Variants in CELF2 observed in about 807,000 individuals in gnomAD.
CELF2 encodes CUG triplet repeat RNA-binding protein 2.
A neutral mutation model predicts 62.6 loss-of-function variants in CELF2; 8 were observed. The ratio of observed to expected loss-of-function variants is 0.13; its 90% CI spans 0.07 to 0.23. CELF2 has a LOEUF of 0.23. Ranked by LOEUF, CELF2 falls within the 10% of genes least tolerant of loss-of-function variation. The pLI is 1.00. For synonymous variants in CELF2, 258 were observed against 250.0 expected (o/e 1.03, Z -0.30); for missense variants, 333 against 671.0 (o/e 0.50, Z 5.56).
chr10:10,500,080 C>G, the CELF2 span, among the ~76,000 whole-genome samples: 1 of 152,002 alleles, frequency 6.6e-6, no homozygotes, highest in Admixed American at 6.5e-5. Context: ...GTAACTACAC[C>G]CTGTATATCG....
the CELF2 span, among the ~76,000 whole-genome samples, chr10:10,566,412 T>TA: frequency 5.6e-5 from 7 of 124,368 alleles, no homozygotes; most frequent in African/African-American, 2.4e-4. Flanking sequence ...ATTTTTTTTT[T>TA]TTTTTAATTT....
chr10:10,941,839 C>T (rs2047082294), intron 2 of CELF2, among the ~76,000 whole-genome samples: 2 of 151,800 alleles, frequency 1.3e-5, no homozygotes, highest in South Asian at 4.2e-4. Flanking sequence ...ATTAAAAATA[C>T]AAAAATTAGC....
chr10:11,099,559 C>G (rs76081832), intron 1 of CELF2, among the ~76,000 whole-genome samples: 81 of 152,028 alleles, frequency 5.3e-4, no homozygotes, highest in African/African-American at 1.9e-3. Context: ...GCATAGAATT[C>G]CCGATTTCCT....
At chr10:11,275,706 T>G (rs181094704) in intron 8 of CELF2, among the ~76,000 whole-genome samples, 2 of 152,290 alleles carry the variant, frequency 1.3e-5, no homozygotes, top group African/African-American at 4.8e-5. Flanking sequence ...AAAATCAAAG[T>G]GTGACTGTAT....
chr10:10,572,578 G>A, the CELF2 span, among the ~76,000 whole-genome samples: 2 of 150,836 alleles, frequency 1.3e-5, no homozygotes, highest in Admixed American at 1.3e-4. Flanking sequence ...TCATTGTTCA[G>A]CTCCCACTTA....
chr10:10,728,452 C>CA, the CELF2 span, among the ~76,000 whole-genome samples: 2,083 of 81,144 alleles, frequency 0.026, 47 homozygotes, highest in African/African-American at 0.064. Flanking sequence ...GACTCTGTTT[C>CA]AAAAAAAAAA....
At position 10,858,986 on chromosome 10, in the gene CELF2, T is replaced by G. The variant is rs539527271; in HGVS notation, c.53+60169T>G. On this transcript the variant is annotated intron_variant, in intron 1 of 13. Coordinates refer to the CELF2 transcript ENST00000636488. ...ACAATTTTTAGATACCCACAAGTGG[T>G]TCAACAACTAGCAGATGATAATAAG... Among the ~76,000 whole-genome samples, 4 of 152,242 alleles carry G rather than the reference T, an allele frequency of 2.6e-5. No homozygotes were observed. In the South Asian group the frequency reaches 8.3e-4, roughly 32 times the overall value.
the CELF2 span, among the ~76,000 whole-genome samples, chr10:10,489,330 T>C: frequency 1.3e-5 from 2 of 152,102 alleles, no homozygotes; most frequent in African/African-American, 2.4e-5. Context: ...GATTTCCAAA[T>C]TGTAACTGGA....
At chr10:10,860,050 TC>T (rs1163684920) in intron 1 of CELF2, among the ~76,000 whole-genome samples, 1 of 152,202 alleles carries the variant, frequency 6.6e-6, no homozygotes, top group East Asian at 1.9e-4. Flanking sequence ...TGTTAAGGTA[TC>T]TTTTTATGAA....
chr10:10,982,192 T>G (rs957691757), intron 2 of CELF2, among the ~76,000 whole-genome samples: 1 of 151,948 alleles, frequency 6.6e-6, no homozygotes, highest in Non-Finnish European at 1.5e-5. Context: ...TGACCTCAGG[T>G]GATCCACCCA....
At chr10:10,912,395 T>A (rs1251219096) in intron 1 of CELF2, among the ~76,000 whole-genome samples, 1 of 149,950 alleles carries the variant, frequency 6.7e-6, no homozygotes, top group Non-Finnish European at 1.5e-5. Flanking sequence ...TGGGACTTAC[T>A]TTTTTTTTTG....
chr10:10,536,932 T>A, the CELF2 span, among the ~76,000 whole-genome samples: 1 of 152,300 alleles, frequency 6.6e-6, no homozygotes, highest in East Asian at 1.9e-4. Context: ...GGGGCTCCAC[T>A]GGCTAGTGTT....
At chr10:10,734,537 T>C in the CELF2 span, among the ~76,000 whole-genome samples, 1 of 152,198 alleles carries the variant, frequency 6.6e-6, no homozygotes, top group Non-Finnish European at 1.5e-5. Context: ...GGATGTCCTC[T>C]GTAACCCAGG....
rs886179557 is a variant in CELF2 at position 11,314,976 on chromosome 10, A to T, written c.1096+718A>T. ...ATAGGCTGGAGGCAAATCACTTAGA[A>T]AATTGTACTTGGTTCCGAAACATAT... On this transcript the variant is annotated intron_variant, in intron 10 of 12. Coordinates refer to ENST00000633077, the MANE Select transcript of CELF2 (RefSeq NM_001326342.2). This position sits in a 1 kb window ranked among gnomAD's most constrained non-coding sequence, Gnocchi z 5.3. 6.6e-6 allele frequency among the ~76,000 whole-genome samples: 1 copy of T among 152,072 alleles called. No individual in the cohort carries two copies. Among genetic ancestry groups the T allele is most frequent in the Admixed American group, 6.5e-5 (1 of 15,272 alleles).
At chr10:11,138,637 T>G (rs968379653) in intron 1 of CELF2, among the ~76,000 whole-genome samples, 21 of 152,254 alleles carry the variant, frequency 1.4e-4, no homozygotes, top group African/African-American at 5.1e-4. Context: ...ACGTTTACTT[T>G]TAGAAGACTG....
chr10:10,951,602 T>C (rs894094911), intron 2 of CELF2, among the ~76,000 whole-genome samples: 9 of 152,208 alleles, frequency 5.9e-5, no homozygotes, highest in Admixed American at 1.3e-4. Context: ...TTTTAAAGGT[T>C]GAAAACCACA....
At chr10:11,265,582 C>T (rs1249129494) in intron 5 of CELF2, among the ~76,000 whole-genome samples, 1 of 152,180 alleles carries the variant, frequency 6.6e-6, no homozygotes, top group Admixed American at 6.5e-5. Context: ...GTCTTTTTCT[C>T]TAAGAAGCCC....
At chr10:10,846,854 C>T (rs1279768371) in intron 1 of CELF2, among the ~76,000 whole-genome samples, 1 of 152,164 alleles carries the variant, frequency 6.6e-6, no homozygotes, top group Non-Finnish European at 1.5e-5. Context: ...AGTTTGATAC[C>T]AATCTATTGT....
In CELF2 at chr10:11,321,012, C is replaced by T; in HGVS notation, c.1097-177C>T. On this transcript the variant is annotated intron_variant, in intron 10 of 12. Transcript: ENST00000633077. This position sits in a 1 kb window ranked among gnomAD's most constrained non-coding sequence, Gnocchi z 6.2. ...GGTTCTCATGGCTTAGGTCATTTTC[C>T]CCCATTATCACGATTTATTTCTTCA... The T allele has an allele frequency of 7.3e-7, 1 of 1,362,634 alleles. No individual in the cohort carries two copies. Among genetic ancestry groups the T allele is most frequent in the Non-Finnish European group, 1.0e-6 (1 of 994,462 alleles). 84.4% of individuals were successfully genotyped at this position (1,362,634 alleles called of 1,614,324 possible).
Sources: gnomAD v4.1 joint callset for allele counts (sites outside exome capture counted in the v4.1 genomes callset) on GRCh38, gnomAD v4.1.1 for gene constraint, Gnocchi (gnomAD v3.1) non-coding constraint, MANE v1.5 for transcripts, NCBI Gene and HGNC (gene_info 2026-07-23, HGNC 2026-07-21) for gene names.